The following ZNF423 variants were observed in gnomAD, a reference collection of about 807,000 sequenced individuals.
ZNF423 encodes the protein Ebf-associated zinc finger protein.
A neutral mutation model predicts 95.8 loss-of-function variants in ZNF423; 12 were observed. The observed-to-expected ratio is 0.13, with a 90% CI of 0.08 to 0.20. The LOEUF is 0.20. ZNF423 is among the 10% of genes least tolerant of loss of function. ZNF423 has a pLI of 1.00. For synonymous variants in ZNF423, 749 were observed against 711.9 expected (o/e 1.05, Z -0.83); for missense variants, 1,316 against 1,737.1 (o/e 0.76, Z 4.31).
chr16:49,818,654 T>G (rs1035011797), intron 1 of ZNF423, among the ~76,000 whole-genome samples: 2 of 150,966 alleles, frequency 1.3e-5, no homozygotes, highest in African/African-American at 4.9e-5. Flanking sequence ...TGGAGGCTGA[T>G]GTGGGAGGAT....
At chr16:49,547,635 C>G (rs1396463280) in intron 5 of ZNF423, among the ~76,000 whole-genome samples, 1 of 152,234 alleles carries the variant, frequency 6.6e-6, no homozygotes, top group Non-Finnish European at 1.5e-5. Flanking sequence ...CCAACCCCCA[C>G]GCCCTCTTCT....
chr16:49,691,459 G>A (rs140997164), intron 3 of ZNF423, among the ~76,000 whole-genome samples: 1,719 of 152,328 alleles, frequency 0.011, 27 homozygotes, highest in African/African-American at 0.039. Context: ...TCGGCCGGGC[G>A]CAGTGGCTCA....
intron 7 of ZNF423, among the ~76,000 whole-genome samples, chr16:49,511,468 A>T (rs185087317): frequency 6.6e-6 from 1 of 152,216 alleles, no homozygotes; most frequent in Non-Finnish European, 1.5e-5. Flanking sequence ...AGCTATGTCC[A>T]CATGGGGAGC....
chr16:49,676,492 G>A (rs2031054199), intron 3 of ZNF423, among the ~76,000 whole-genome samples: 1 of 152,116 alleles, frequency 6.6e-6, no homozygotes, highest in South Asian at 2.1e-4. Context: ...CCTTCACACA[G>A]GCAGGTGACT....
intron 2 of ZNF423, among the ~76,000 whole-genome samples, chr16:49,745,128 GT>G (rs2033495462): frequency 6.6e-6 from 1 of 151,880 alleles, no homozygotes; most frequent in African/African-American, 2.4e-5. Context: ...AAAAAAAAAA[GT>G]TTCCATGCAG....
chr16:49,741,441 A>C (rs2033412970), intron 2 of ZNF423, among the ~76,000 whole-genome samples: 2 of 152,110 alleles, frequency 1.3e-5, no homozygotes, highest in South Asian at 4.1e-4. Flanking sequence ...TGGGAGGCAG[A>C]GATTGCAGTA....
intron 2 of ZNF423, among the ~76,000 whole-genome samples, chr16:49,742,235 AAG>A (rs1186591541): frequency 2.0e-5 from 3 of 152,210 alleles, no homozygotes; most frequent in Non-Finnish European, 4.4e-5. Flanking sequence ...CCGGAAGGTA[AAG>A]AGAGATGGCA....
At chr16:49,521,692 C>T (rs1004036489) in intron 7 of ZNF423, among the ~76,000 whole-genome samples, 2 of 152,184 alleles carry the variant, frequency 1.3e-5, no homozygotes, top group South Asian at 2.1e-4. Context: ...GGGATAAAGG[C>T]CTCATGTACA....
rs144267836 is a variant in ZNF423, at chr16:49,528,211, T to C, written c.3602-2717A>G. Among the ~76,000 whole-genome samples the C allele has an allele frequency of 3.8e-4, 58 of 152,052 alleles. 1 individual carries two copies. In the East Asian group the frequency reaches 0.011, roughly 29 times the overall value. ...CAAACACCGAGAGGACAAAGAAGCC[T>C]CCTGCAACTTATAAATCAGAGAAAT... On this transcript the variant is annotated intron_variant, in intron 5 of 7. Coordinates refer to ENST00000563137, the MANE Select transcript of ZNF423 (RefSeq NM_001379286.1).
At chr16:49,821,529 G>A (rs958817720) in intron 1 of ZNF423, among the ~76,000 whole-genome samples, 3 of 152,184 alleles carry the variant, frequency 2.0e-5, no homozygotes, top group South Asian at 2.1e-4. Flanking sequence ...TCGAGGCGTG[G>A]TCTGCAAAGT....
intron 3 of ZNF423, among the ~76,000 whole-genome samples, chr16:49,726,613 G>C (rs1001313734): frequency 6.6e-6 from 1 of 152,018 alleles, no homozygotes; most frequent in Non-Finnish European, 1.5e-5. Context: ...CCCATCCTTG[G>C]CAATTCAGAC....
intron 2 of ZNF423, among the ~76,000 whole-genome samples, chr16:49,757,080 C>A (rs763153850): frequency 6.6e-6 from 1 of 152,208 alleles, no homozygotes; most frequent in Admixed American, 6.5e-5. Flanking sequence ...TTACTTGTCA[C>A]GATGCACAAT....
chr16:49,562,770 C>A (rs777318939), intron 5 of ZNF423, among the ~76,000 whole-genome samples: 1 of 152,132 alleles, frequency 6.6e-6, no homozygotes, highest in Non-Finnish European at 1.5e-5. Context: ...CTTAAATGCC[C>A]AGCATAGCTG....
chr16:49,569,265 A>G (rs1769326485), intron 5 of ZNF423, among the ~76,000 whole-genome samples: 1 of 152,190 alleles, frequency 6.6e-6, no homozygotes, highest in African/African-American at 2.4e-5. Flanking sequence ...TGAGCTTTTC[A>G]TGGACTCCTG....
intron 5 of ZNF423, among the ~76,000 whole-genome samples, chr16:49,545,929 T>C (rs75092665): frequency 0.012 from 1,875 of 152,316 alleles, 42 homozygotes; most frequent in African/African-American, 0.041. Context: ...CGCCCAGGCC[T>C]TTCAACCACA....
intron 5 of ZNF423, among the ~76,000 whole-genome samples, chr16:49,597,684 G>A (rs957888764): frequency 2.6e-5 from 4 of 152,140 alleles, no homozygotes; most frequent in Non-Finnish European, 5.9e-5. Flanking sequence ...TAGGTACCGT[G>A]TAAATGGGAG....
chr16:49,611,067 T>C (rs1439210617), intron 5 of ZNF423, among the ~76,000 whole-genome samples: 1 of 152,054 alleles, frequency 6.6e-6, no homozygotes, highest in African/African-American at 2.4e-5. Context: ...GTAGGAAACT[T>C]CAGAACCTTT....
chr16:49,795,556 C>T (rs1310812478), intron 1 of ZNF423, among the ~76,000 whole-genome samples: 1 of 152,198 alleles, frequency 6.6e-6, no homozygotes, highest in Non-Finnish European at 1.5e-5. Flanking sequence ...CTTCCCAGGG[C>T]TGAGTGTGAC....
intron 2 of ZNF423, among the ~76,000 whole-genome samples, chr16:49,772,297 A>G (rs2034049572): frequency 6.6e-6 from 1 of 152,250 alleles, no homozygotes; most frequent in African/African-American, 2.4e-5. Context: ...CCGGACCATC[A>G]GTGGACTGGA....
Sources: allele counts gnomAD v4.1 joint callset (sites outside exome capture counted in the v4.1 genomes callset), GRCh38; gene constraint gnomAD v4.1.1; transcripts MANE v1.5; gene names NCBI Gene and HGNC (gene_info 2026-07-23, HGNC 2026-07-21).